Variants in SLC1A2 observed in about 807,000 individuals in gnomAD.
The protein encoded by SLC1A2 is solute carrier family 1 member 2, also known as excitatory amino acid transporter 2.
In SLC1A2, 15 loss-of-function variants were observed where a neutral mutation model predicts 48.8. The observed-to-expected ratio is 0.31, with a 90% CI of 0.21 to 0.47. The LOEUF (loss-of-function observed/expected upper bound fraction) is 0.47, where lower values mean the gene tolerates loss of function less well. Ranked by LOEUF, SLC1A2 falls within the 20% of genes least tolerant of loss-of-function variation. The pLI is 0.99. For synonymous variants in SLC1A2, 279 were observed against 272.6 expected (o/e 1.02, Z -0.23); for missense variants, 502 against 730.5 (o/e 0.69, Z 3.61).
intron 3 of SLC1A2, among the ~76,000 whole-genome samples, chr11:35,314,716 A>C (rs1851814302): frequency 6.6e-6 from 1 of 151,884 alleles, no homozygotes; most frequent in Non-Finnish European, 1.5e-5. Flanking sequence ...CCATCTCAAA[A>C]AAAAAAAAAA....
chr11:35,407,328 C>T (rs1855328263), intron 1 of SLC1A2, among the ~76,000 whole-genome samples: 1 of 152,134 alleles, frequency 6.6e-6, no homozygotes, highest in Non-Finnish European at 1.5e-5. Flanking sequence ...TGCAGGAACC[C>T]CCAAAGTGAG....
intron 1 of SLC1A2, among the ~76,000 whole-genome samples, chr11:35,402,610 G>C (rs1855168521): frequency 6.6e-6 from 1 of 152,192 alleles, no homozygotes; most frequent in African/African-American, 2.4e-5. Context: ...GAAACCCCCT[G>C]AAATTAGAAA....
At position 35,296,015 on chromosome 11, in the gene SLC1A2, G is replaced by A. The variant is rs549446554; in HGVS notation, c.858-3495C>T. Reference sequence around the variant, plus strand: ...CTTGGGGCATTTATATTTTAAACAAGCTCCCCAGGTAATTCTGATCTGTTT... The same window carrying A: ...CTTGGGGCATTTATATTTTAAACAAACTCCCCAGGTAATTCTGATCTGTTT... On this transcript the variant is annotated intron_variant, in intron 6 of 10. Coordinates refer to ENST00000278379, the MANE Select transcript of SLC1A2 (RefSeq NM_004171.4). Among the ~76,000 whole-genome samples the A allele has an allele frequency of 2.0e-5, 3 of 152,274 alleles. No homozygotes were observed. In the South Asian group the frequency reaches 6.2e-4, roughly 32 times the overall value.
intron 1 of SLC1A2, among the ~76,000 whole-genome samples, chr11:35,359,135 A>T (rs1391519099): frequency 2.0e-5 from 3 of 152,202 alleles, no homozygotes; most frequent in Non-Finnish European, 4.4e-5. Context: ...AGCCACTTGC[A>T]CTTGCTAGTG....
intron 1 of SLC1A2, among the ~76,000 whole-genome samples, chr11:35,347,826 G>A (rs1290668218): frequency 6.6e-6 from 1 of 152,202 alleles, no homozygotes; most frequent in African/African-American, 2.4e-5. Flanking sequence ...TCCTGCCTTG[G>A]CCTCCAAAAG....
At position 35,323,222 on chromosome 11, in the gene SLC1A2, C is replaced by A. The variant is rs1183804899; in HGVS notation, c.18-5706G>T. 15 of 192,154 alleles carry A rather than the reference C, an allele frequency of 7.8e-5. No individual in the cohort carries two copies. The East Asian group carries it at 2.0e-3, about 25-fold the overall frequency. The allele number at this position is 192,154 out of a possible 1,614,324, so 11.9% of individuals were successfully genotyped here. On this transcript the variant is annotated intron_variant, in intron 1 of 10. Coordinates refer to ENST00000278379, the MANE Select transcript of SLC1A2 (RefSeq NM_004171.4). ...CATTCGAGGGGCTGGTTAAAGAATA[C>A]AGTGTATAGCTATCCTGAATCATGA...
chr11:35,294,862 A>T (rs1245910147), intron 6 of SLC1A2, among the ~76,000 whole-genome samples: 1 of 152,154 alleles, frequency 6.6e-6, no homozygotes, highest in African/African-American at 2.4e-5. Context: ...GGAGAGTGTT[A>T]ATCAAAGGCC....
At chr11:35,305,456 A>T (rs1015807760) in intron 5 of SLC1A2, among the ~76,000 whole-genome samples, 1 of 152,234 alleles carries the variant, frequency 6.6e-6, no homozygotes, top group Non-Finnish European at 1.5e-5. Context: ...TAAGTGGCCC[A>T]TACTGGATCC....
At position 35,405,708 on chromosome 11, in the gene SLC1A2, G is replaced by C. The variant is rs1242294002; in HGVS notation, c.17+13242C>G. Among the ~76,000 whole-genome samples, 3 of 152,154 alleles carry C rather than the reference G, an allele frequency of 2.0e-5. No homozygotes were observed. The East Asian group carries it at 5.8e-4, about 29-fold the overall frequency. On this transcript the variant is annotated intron_variant, in intron 1 of 10. Transcript: ENST00000278379. The stretch of plus-strand genomic sequence containing the variant: ...GCTGCATGGGGACATGAATGACTGT[G>C]ACAAATACATTTTTGGCTTCACAAG...
chr11:35,356,181 T>A (rs180806616), intron 1 of SLC1A2, among the ~76,000 whole-genome samples: 51 of 152,324 alleles, frequency 3.3e-4, no homozygotes, highest in African/African-American at 1.2e-3. Flanking sequence ...CCTGAATGAA[T>A]TGAATACCAT....
At chr11:35,381,254 T>C (rs138548699) in intron 1 of SLC1A2, among the ~76,000 whole-genome samples, 105 of 152,264 alleles carry the variant, frequency 6.9e-4, no homozygotes, top group Non-Finnish European at 1.2e-3. Flanking sequence ...AGCCCAAGAA[T>C]GGGTGTGGCT....
At chr11:35,323,106 G>T in intron 1 of SLC1A2, 1 of 291,116 alleles carries the variant, frequency 3.4e-6, no homozygotes, top group South Asian at 4.5e-5. Flanking sequence ...TCTTCACAGC[G>T]TTCATTTGCT....
rs905573338 is a variant in SLC1A2 at position 35,312,294 on chromosome 11, A to G, written c.465T>C (p.Pro155=). The G allele has an allele frequency of 6.2e-7, 1 of 1,614,052 alleles. No homozygotes were observed. The highest frequency in any genetic ancestry group is 1.7e-5 in the Admixed American group (1 of 59,998). The change falls in exon 4 of 11, where the codon CCT becomes CCC. Residue 155 remains proline, a synonymous_variant. Transcript: ENST00000278379. ...TGGACACTTCATCATTCTTCTTCCC[A>G]GGCCCCAGCTGCTTCTTGAGCTTGG... ...GNPKLKKQLG[P]GKKNDEVSSL... is the part of the protein sequence containing the mutation.
upstream of SLC1A2, chr11:35,420,114 C>A (rs1268265514): frequency 5.1e-6 from 1 of 195,132 alleles, no homozygotes; most frequent in Non-Finnish European, 1.1e-5. Flanking sequence ...GGGCGGCGGG[C>A]GGGGTGCAGG....
chr11:35,344,416 A>G (rs4756215), intron 1 of SLC1A2, among the ~76,000 whole-genome samples: 121,593 of 152,208 alleles, frequency 0.8, 49,141 homozygotes, highest in East Asian at 0.92. Flanking sequence ...CCTGAGGCAG[A>G]AGCAAGCTTG....
chr11:35,363,788 T>C (rs757148785), intron 1 of SLC1A2, among the ~76,000 whole-genome samples: 36 of 152,300 alleles, frequency 2.4e-4, no homozygotes, highest in Middle Eastern at 3.4e-3. Flanking sequence ...GATATCTGGG[T>C]GTAGTACTTG....
intron 4 of SLC1A2, among the ~76,000 whole-genome samples, chr11:35,310,076 T>C (rs1470293956): frequency 1.3e-5 from 2 of 152,120 alleles, no homozygotes; most frequent in African/African-American, 4.8e-5. Context: ...CGAGTGTGAG[T>C]GTGGCCAGCT....
intron 8 of SLC1A2, chr11:35,285,732 T>A (rs1346737794): frequency 1.3e-5 from 2 of 152,228 alleles, no homozygotes; most frequent in African/African-American, 2.4e-5. Flanking sequence ...AGCTGTCTCA[T>A]AAGAGGATGA....
intron 8 of SLC1A2, chr11:35,281,742 A>T (rs571590911): frequency 6.6e-6 from 1 of 152,232 alleles, no homozygotes; most frequent in East Asian, 1.9e-4. Flanking sequence ...TCTGGAGTTC[A>T]AGTGCCCTGT....
Sources: allele counts gnomAD v4.1 joint callset (sites outside exome capture counted in the v4.1 genomes callset), GRCh38; gene constraint gnomAD v4.1.1; transcripts MANE v1.5; gene names NCBI Gene and HGNC (gene_info 2026-07-23, HGNC 2026-07-21).